Variants in CLEC1A observed in about 807,000 individuals in gnomAD.
The protein encoded by CLEC1A is C-type lectin domain family 1 member A, also known as C-type lectin-like receptor-1.
A neutral mutation model predicts 28.7 loss-of-function variants in CLEC1A; 34 were observed. That is an observed-to-expected ratio of 1.18 (90% CI 0.90 to 1.57). The LOEUF (loss-of-function observed/expected upper bound fraction) is 1.57, where lower values mean the gene tolerates loss of function less well. Among genes scored for constraint, CLEC1A ranks in the 40% most tolerant of loss-of-function variants. The pLI is 0.00. For missense variants in CLEC1A, 385 were observed against 339.5 expected (o/e 1.13, Z -1.05); for synonymous variants, 116 against 121.0 (o/e 0.96, Z 0.27).
chr12:10,080,857 C>T (rs565054690), intron 3 of CLEC1A, among the ~76,000 whole-genome samples: 1 of 152,224 alleles, frequency 6.6e-6, no homozygotes, highest in South Asian at 2.1e-4. Flanking sequence ...AGACTAGTCC[C>T]TGTATGTTGT....
At chr12:10,091,284 T>C (rs994808845) in intron 1 of CLEC1A, among the ~76,000 whole-genome samples, 2 of 152,218 alleles carry the variant, frequency 1.3e-5, no homozygotes, top group African/African-American at 2.4e-5. Context: ...TGAGTAAATC[T>C]TTGACAGCTT....
In CLEC1A at chr12:10,073,374, T is replaced by C. The variant is rs756283751; in HGVS notation, c.581A>G (p.Tyr194Cys). The change falls in exon 5 of 6, where the codon TAC (tyrosine) becomes TGC (cysteine). Residue 194 changes from tyrosine to cysteine, a missense_variant. Coordinates refer to ENST00000315330, the MANE Select transcript of CLEC1A (RefSeq NM_016511.4). Reference sequence around the variant, plus strand: ...GCGCAAAAGCCCTGTCCAATAAGAGTAGAAAAACTCAGAGTAGCTCTGAGA... The same window carrying C: ...GCGCAAAAGCCCTGTCCAATAAGAGCAGAAAAACTCAGAGTAGCTCTGAGA... Reference protein sequence around the residue: ...AASQSYSEFFYSYWTGLLRPD... With the variant: ...AASQSYSEFFCSYWTGLLRPD... The C allele has an allele frequency of 2.5e-6, 4 of 1,613,598 alleles. No individual in the cohort carries two copies. The highest frequency in any genetic ancestry group is 4.5e-5 in the East Asian group (2 of 44,876).
chr12:10,084,821 C>CAAAAAAAAAAA (rs57574014), intron 2 of CLEC1A, among the ~76,000 whole-genome samples: 99 of 83,692 alleles, frequency 1.2e-3, no homozygotes, highest in East Asian at 3.7e-3. Context: ...GACTCTGTAT[C>CAAAAAAAAAAA]AAAAAAAAAA....
At chr12:10,076,128 G>A (rs991781163) in intron 3 of CLEC1A, among the ~76,000 whole-genome samples, 2 of 152,108 alleles carry the variant, frequency 1.3e-5, no homozygotes, top group African/African-American at 4.8e-5. Context: ...AAAATACTGA[G>A]GCAAGCCTGA....
At position 10,070,087 on chromosome 12, in the gene CLEC1A, C is replaced by G. The variant is rs1177008374; in HGVS notation, c.*1246G>C. 1 of 152,108 alleles carries G rather than the reference C, an allele frequency of 6.6e-6. No individual in the cohort carries two copies. The highest frequency in any genetic ancestry group is 1.5e-5 in the Non-Finnish European group (1 of 68,020). 9.4% of individuals were successfully genotyped at this position (152,108 alleles called of 1,614,324 possible). A position where few individuals can be genotyped will look rare whatever the true frequency, so the allele number is the denominator to read the frequency against. On this transcript the variant is annotated 3_prime_UTR_variant, in exon 6 of 6. Transcript: ENST00000315330. ...TGTGATGGTGTCATTCCCAATGATC[C>G]CTGTTATATTTGTGCATGGAGTCGT...
At chr12:10,098,048 G>C (rs1342394833) in intron 1 of CLEC1A, among the ~76,000 whole-genome samples, 1 of 95,602 alleles carries the variant, frequency 1.0e-5, no homozygotes, top group African/African-American at 4.4e-5. Context: ...AAGAAATAAG[G>C]AACAGGATAG....
At chr12:10,095,789 A>C (rs1163617973) in intron 1 of CLEC1A, among the ~76,000 whole-genome samples, 1 of 151,778 alleles carries the variant, frequency 6.6e-6, no homozygotes, top group African/African-American at 2.4e-5. Context: ...TCCTTCCATT[A>C]CTCTAATTTT....
intron 5 of CLEC1A, among the ~76,000 whole-genome samples, chr12:10,072,146 T>C (rs1238200976): frequency 6.6e-6 from 1 of 152,114 alleles, no homozygotes; most frequent in African/African-American, 2.4e-5. Flanking sequence ...TGATGCAAGA[T>C]CTGGTGGCTT....
chr12:10,070,828 C>T lies in CLEC1A; in HGVS notation c.*505G>A, dbSNP rs1433538500. The T allele has an allele frequency of 6.6e-6, 1 of 152,378 alleles. No individual in the cohort carries two copies. Among genetic ancestry groups the T allele is most frequent in the Non-Finnish European group, 1.5e-5 (1 of 68,190 alleles). 9.4% of individuals were successfully genotyped at this position (152,378 alleles called of 1,614,324 possible). A position where few individuals can be genotyped will look rare whatever the true frequency, so the allele number is the denominator to read the frequency against. On this transcript the variant is annotated 3_prime_UTR_variant, in exon 6 of 6. Transcript: ENST00000315330. ...ATGGACAAGGCAGATGGGGTCTTTA[C>T]TGATGGATTGGGAAGGGACTAGTAT...
chr12:10,093,439 A>G (rs1440757342), intron 1 of CLEC1A, among the ~76,000 whole-genome samples: 1 of 151,154 alleles, frequency 6.6e-6, no homozygotes, highest in Non-Finnish European at 1.5e-5. Context: ...CCTTAGTGCT[A>G]GGGTCAAATT....
intron 1 of CLEC1A, among the ~76,000 whole-genome samples, chr12:10,090,760 T>G (rs1037833619): frequency 2.0e-5 from 3 of 152,154 alleles, no homozygotes; most frequent in African/African-American, 7.2e-5. Context: ...ATCTCCTTCA[T>G]AAGTAGCTTT....
chr12:10,071,296 C>T lies in CLEC1A; in HGVS notation c.*37G>A. On this transcript the variant is annotated 3_prime_UTR_variant, in exon 6 of 6. Coordinates refer to ENST00000315330, the MANE Select transcript of CLEC1A (RefSeq NM_016511.4). ...CAACTAGCCCTTGCTTTGGCACCGC[C>T]TGGCTCACTCTGCTATTTGTAGTTG... is the stretch of plus-strand genomic sequence containing the variant. The T allele has an allele frequency of 6.3e-7, 1 of 1,596,066 alleles. No individual in the cohort carries two copies. The highest frequency in any genetic ancestry group is 8.5e-7 in the Non-Finnish European group (1 of 1,169,636).
intron 1 of CLEC1A, among the ~76,000 whole-genome samples, chr12:10,093,381 A>AAAC (rs1427877898): frequency 5.3e-5 from 8 of 151,418 alleles, no homozygotes; most frequent in Admixed American, 1.3e-4. Context: ...TAGAAAAAAA[A>AAAC]AAAAAACCTT....
intron 5 of CLEC1A, among the ~76,000 whole-genome samples, chr12:10,072,008 T>G (rs796605146): frequency 2.6e-5 from 4 of 152,182 alleles, no homozygotes; most frequent in African/African-American, 9.7e-5. Flanking sequence ...TTCCAAATCT[T>G]AGTTGAAATG....
intron 1 of CLEC1A, among the ~76,000 whole-genome samples, chr12:10,089,775 A>G (rs913703791): frequency 6.6e-6 from 1 of 152,144 alleles, no homozygotes; most frequent in Non-Finnish European, 1.5e-5. Context: ...GCTTAATTGA[A>G]AGTCCCGCTA....
In CLEC1A at chr12:10,097,915, T is replaced by TAAAAAAAAAAAAAAAAAA. The variant is rs11453815; in HGVS notation, c.115+892_115+893insTTTTTTTTTTTTTTTTTT. Among the ~76,000 whole-genome samples, 20 of 117,878 alleles carry TAAAAAAAAAAAAAAAAAA rather than the reference T, an allele frequency of 1.7e-4. 9 individuals carry two copies. Among genetic ancestry groups the TAAAAAAAAAAAAAAAAAA allele is most frequent in the Non-Finnish European group, 1.6e-4 (9 of 57,684 alleles). 77.3% of individuals were successfully genotyped at this position (117,878 alleles called of 152,430 possible). ...TTAACAGCTTACTGGGTAGTTTAGT[T>TAAAAAAAAAAAAAAAAAA]AAAAAAAAAAAAAGCCATATTAGTA... On this transcript the variant is annotated intron_variant, in intron 1 of 5. Transcript: ENST00000315330.
At chr12:10,090,822 T>C in intron 1 of CLEC1A, among the ~76,000 whole-genome samples, 1 of 65,042 alleles carries the variant, frequency 1.5e-5, no homozygotes, top group East Asian at 2.2e-4. Flanking sequence ...GCTCCTTTTT[T>C]TAAAAAAAAT....
At chr12:10,088,557 T>G (rs922366996) in intron 2 of CLEC1A, among the ~76,000 whole-genome samples, 5 of 152,160 alleles carry the variant, frequency 3.3e-5, no homozygotes, top group African/African-American at 1.2e-4. Context: ...TCATCCACTT[T>G]CTTTTTTAAG....
At chr12:10,085,519 C>T (rs1200885932) in intron 2 of CLEC1A, among the ~76,000 whole-genome samples, 2 of 119,484 alleles carry the variant, frequency 1.7e-5, no homozygotes, top group Non-Finnish European at 3.3e-5. Context: ...ACAAAACAGA[C>T]ATTAAAGCAA....
Sources: allele counts gnomAD v4.1 joint callset (sites outside exome capture counted in the v4.1 genomes callset), GRCh38; gene constraint gnomAD v4.1.1; transcripts MANE v1.5; gene names NCBI Gene and HGNC (gene_info 2026-07-23, HGNC 2026-07-21).